The following PALM2AKAP2 variants were observed in gnomAD, a reference collection of about 807,000 sequenced individuals.
The protein encoded by PALM2AKAP2 is PALM2 and AKAP2 fusion, also known as PALM2-AKAP2 fusion protein.
In PALM2AKAP2, 37 loss-of-function variants were observed where a neutral mutation model predicts 71.5. The ratio of observed to expected loss-of-function variants is 0.52; its 90% CI spans 0.40 to 0.68. The LOEUF is 0.68. PALM2AKAP2 is among the 30% of genes least tolerant of loss of function. The pLI is 0.00. For missense variants in PALM2AKAP2, 1,224 were observed against 1,191.8 expected, an observed-to-expected ratio of 1.03 and a Z score of -0.40; for synonymous variants, 468 against 478.8, an observed-to-expected ratio of 0.98 and a Z score of 0.29.
chr9:109,716,104 C>T (rs1828315753), intron 1 of PALM2AKAP2, among the ~76,000 whole-genome samples: 1 of 152,108 alleles, frequency 6.6e-6, no homozygotes, highest in Non-Finnish European at 1.5e-5. Context: ...AAAACTGTTC[C>T]AGAAGGCAAT....
chr9:109,902,187 A>G (rs945114087), intron 3 of PALM2AKAP2, among the ~76,000 whole-genome samples: 1 of 152,236 alleles, frequency 6.6e-6, no homozygotes, highest in Non-Finnish European at 1.5e-5. Context: ...TACTTCACCC[A>G]TCTGCAAAGT....
chr9:109,962,705 C>T (rs1428068571), intron 6 of PALM2AKAP2, among the ~76,000 whole-genome samples: 1 of 151,414 alleles, frequency 6.6e-6, no homozygotes, highest in South Asian at 2.1e-4. Context: ...TGCAGTGGCA[C>T]GATCTCGGCT....
intron 1 of PALM2AKAP2, among the ~76,000 whole-genome samples, chr9:109,722,566 G>A (rs985940061): frequency 1.3e-5 from 2 of 152,134 alleles, no homozygotes; most frequent in Non-Finnish European, 2.9e-5. Flanking sequence ...GAATCCAGGA[G>A]CTCAATACTA....
intron 1 of PALM2AKAP2, among the ~76,000 whole-genome samples, chr9:110,103,579 T>A (rs1004606525): frequency 5.9e-5 from 9 of 152,194 alleles, no homozygotes; most frequent in Non-Finnish European, 7.3e-5. Context: ...GCTTGATAAA[T>A]CCTTCATCTT....
At chr9:110,121,000 G>T (rs1188990359) in intron 1 of PALM2AKAP2, among the ~76,000 whole-genome samples, 1 of 152,116 alleles carries the variant, frequency 6.6e-6, no homozygotes, top group Non-Finnish European at 1.5e-5. Flanking sequence ...CCATATGTTT[G>T]TATGTTCTTG....
At chr9:109,922,554 G>GA (rs1046212752) in intron 3 of PALM2AKAP2, among the ~76,000 whole-genome samples, 9 of 142,678 alleles carry the variant, frequency 6.3e-5, no homozygotes, top group African/African-American at 2.3e-4. Flanking sequence ...GAGACCAAAA[G>GA]AAAAAATGAA....
chr9:109,707,197 G>A (rs1325288929), intron 1 of PALM2AKAP2, among the ~76,000 whole-genome samples: 1 of 151,902 alleles, frequency 6.6e-6, no homozygotes, highest in African/African-American at 2.4e-5. Context: ...TTTCCACTTG[G>A]TGATGGCAGT....
chr9:109,906,571 A>G (rs1011479730), intron 3 of PALM2AKAP2, among the ~76,000 whole-genome samples: 2 of 152,212 alleles, frequency 1.3e-5, no homozygotes, highest in African/African-American at 4.8e-5. Flanking sequence ...CAAAAAGGTT[A>G]GCTTAGGAAG....
rs2769154 is a variant in PALM2AKAP2, at chr9:109,867,578, A to G, written c.126+7A>G. ...TCTGCTGCAGCATTCCAAGGTAAGC[A>G]GCTGATCCCAGGAACCTATTCCATT... On this transcript the variant is annotated splice_region_variant and intron_variant, in intron 2 of 9. Coordinates refer to the PALM2AKAP2 transcript ENST00000302798. The G allele has an allele frequency of 0.82, 1,326,171 of 1,610,780 alleles. 547,961 individuals carry two copies. Among genetic ancestry groups the G allele is most frequent in the East Asian group, 0.97 (43,563 of 44,808 alleles).
At chr9:109,863,069 G>T in intron 1 of PALM2AKAP2, 1 of 413,730 alleles carries the variant, frequency 2.4e-6, no homozygotes, top group Non-Finnish European at 4.8e-6. Flanking sequence ...GAGGTGGTCA[G>T]ATTTCCATTT....
intron 1 of PALM2AKAP2, chr9:110,090,203 G>A (rs1834674347): frequency 5.4e-6 from 2 of 368,120 alleles, no homozygotes; most frequent in Non-Finnish European, 1.1e-5. Flanking sequence ...CACCAGGTGT[G>A]TGCGGGCAGG....
At chr9:109,722,633 G>C (rs1051981408) in intron 1 of PALM2AKAP2, among the ~76,000 whole-genome samples, 1 of 152,072 alleles carries the variant, frequency 6.6e-6, no homozygotes. Context: ...TTAGCCAGGC[G>C]TGGTGGCATG....
intron 5 of PALM2AKAP2, among the ~76,000 whole-genome samples, chr9:109,925,779 C>T (rs1179060266): frequency 6.6e-6 from 1 of 152,138 alleles, no homozygotes; most frequent in East Asian, 1.9e-4. Flanking sequence ...TACTTCTCAC[C>T]CTTCACCTTG....
At chr9:109,987,280 G>A (rs61437236) in intron 6 of PALM2AKAP2, among the ~76,000 whole-genome samples, 2,051 of 152,048 alleles carry the variant, frequency 0.013, 35 homozygotes, top group African/African-American at 0.04. Context: ...ACAGGTGTGC[G>A]CCACCACACC....
At chr9:109,766,313 C>A (rs1289478027) in intron 1 of PALM2AKAP2, among the ~76,000 whole-genome samples, 1 of 152,204 alleles carries the variant, frequency 6.6e-6, no homozygotes, top group East Asian at 1.9e-4. Flanking sequence ...TTCCAAACAT[C>A]ATTAAATGCC....
At chr9:110,137,254 G>C in exon 2 of PALM2AKAP2, 1 of 1,614,250 alleles carries the variant, frequency 6.2e-7, no homozygotes, top group Non-Finnish European at 8.5e-7. Context: ...CCAGGCAAGC[G>C]GTGGCCAAGG....
chr9:109,992,636 G>T (rs555985878), intron 6 of PALM2AKAP2, among the ~76,000 whole-genome samples: 1 of 152,154 alleles, frequency 6.6e-6, no homozygotes, highest in South Asian at 2.1e-4. Flanking sequence ...TCCATAACAG[G>T]CTGCCTTTAT....
At chr9:110,089,170 G>A (rs984931584) in intron 1 of PALM2AKAP2, among the ~76,000 whole-genome samples, 3 of 152,154 alleles carry the variant, frequency 2.0e-5, no homozygotes, top group African/African-American at 4.8e-5. Flanking sequence ...CTGGGGAGGC[G>A]GATGGGAGAA....
At chr9:110,143,630 C>G (rs918174271) in intron 2 of PALM2AKAP2, among the ~76,000 whole-genome samples, 1 of 152,188 alleles carries the variant, frequency 6.6e-6, no homozygotes, top group Non-Finnish European at 1.5e-5. Flanking sequence ...ACTTTAGTAT[C>G]TGTGTCTATT....
Sources: allele counts gnomAD v4.1 joint callset (sites outside exome capture counted in the v4.1 genomes callset), GRCh38; gene constraint gnomAD v4.1.1; transcripts MANE v1.5; gene names NCBI Gene and HGNC (gene_info 2026-07-23, HGNC 2026-07-21).